The following ARMH4 variants were observed in gnomAD, a reference collection of about 807,000 sequenced individuals.
ARMH4 encodes armadillo-like helical domain-containing protein 4.
Under a neutral mutation model 61.9 loss-of-function variants are expected in ARMH4, and 49 were observed. The observed-to-expected ratio is 0.79, with a 90% CI of 0.63 to 1.00. The LOEUF (loss-of-function observed/expected upper bound fraction) is 1.00, where lower values mean the gene tolerates loss of function less well. Among genes scored for constraint, ARMH4 ranks in the 50% least tolerant of loss-of-function variants. ARMH4 has a pLI of 0.00. For missense variants in ARMH4, 934 were observed against 930.0 expected (o/e 1.00, Z -0.06); for synonymous variants, 368 against 341.5 (o/e 1.08, Z -0.85).
At chr14:58,106,540 A>T (rs1398898163) in intron 4 of ARMH4, among the ~76,000 whole-genome samples, 2 of 152,234 alleles carry the variant, frequency 1.3e-5, no homozygotes, top group African/African-American at 4.8e-5. Flanking sequence ...TAGCTCAAAT[A>T]GAGAAATGTC....
At chr14:58,051,076 G>C (rs540541947) in intron 5 of ARMH4, among the ~76,000 whole-genome samples, 4 of 151,044 alleles carry the variant, frequency 2.6e-5, no homozygotes, top group Admixed American at 2.0e-4. Context: ...AACTATGGTT[G>C]ATCAGGCACC....
In ARMH4 at chr14:58,133,285, TG is replaced by T. The variant is rs1566596610; in HGVS notation, c.1425del (p.Met476TrpfsTer2). ...GTAGCAACCTGCTCTTGTGTCACCATGGATAAAGTGGCATCTGGCTCTTGAA... is the reference window on the plus strand; with the variant it reads ...GTAGCAACCTGCTCTTGTGTCACCATGATAAAGTGGCATCTGGCTCTTGAA... The part of the protein sequence containing the change: ...TAVQEPDATL[S>X]MVTQEQVATL... On this transcript the variant is annotated frameshift_variant, in exon 3 of 8. Coordinates refer to ENST00000267485, the MANE Select transcript of ARMH4 (RefSeq NM_001001872.4). LOFTEE classifies it high-confidence loss of function. The T allele has an allele frequency of 6.2e-7, 1 of 1,613,956 alleles. No individual in the cohort carries two copies. The highest frequency in any genetic ancestry group is 8.5e-7 in the Non-Finnish European group (1 of 1,180,000).
chr14:58,128,302 A>C lies in ARMH4; in HGVS notation c.1831+3210T>G, dbSNP rs80185516. 1.0e-2 allele frequency among the ~76,000 whole-genome samples: 1,518 copies of C among 152,368 alleles called. 10 individuals carry two copies. The highest frequency in any genetic ancestry group is 0.016 in the Non-Finnish European group (1,097 of 68,034). ...GCAGGAAAGACATTAATATTCAACA[A>C]GAGAAGAAAATCAACCTATACAAAG... On this transcript the variant is annotated intron_variant, in intron 4 of 7. Coordinates refer to ENST00000267485, the MANE Select transcript of ARMH4 (RefSeq NM_001001872.4).
chr14:58,085,536 G>A (rs1250984302), intron 5 of ARMH4, among the ~76,000 whole-genome samples: 1 of 152,084 alleles, frequency 6.6e-6, no homozygotes, highest in Non-Finnish European at 1.5e-5. Context: ...TTCTGGATTA[G>A]TTCCAAGTCT....
chr14:58,013,510 A>G (rs902215039), intron 5 of ARMH4, among the ~76,000 whole-genome samples: 1 of 152,178 alleles, frequency 6.6e-6, no homozygotes, highest in African/African-American at 2.4e-5. Context: ...ACTTTAACCA[A>G]GAAGTCGGTG....
At chr14:58,128,205 T>C (rs899806816) in intron 4 of ARMH4, among the ~76,000 whole-genome samples, 1 of 152,234 alleles carries the variant, frequency 6.6e-6, no homozygotes, top group African/African-American at 2.4e-5. Context: ...TAAAATATTT[T>C]AAAGAGTTAA....
intron 6 of ARMH4, among the ~76,000 whole-genome samples, chr14:58,008,871 A>G (rs1301459391): frequency 1.3e-5 from 2 of 152,194 alleles, no homozygotes; most frequent in Non-Finnish European, 2.9e-5. Flanking sequence ...AAGCTAGAAG[A>G]AATAGATTGG....
At chr14:58,039,581 G>T (rs1295540111) in intron 5 of ARMH4, among the ~76,000 whole-genome samples, 1 of 152,214 alleles carries the variant, frequency 6.6e-6, no homozygotes, top group Non-Finnish European at 1.5e-5. Flanking sequence ...AAAGGGTTAA[G>T]TCCAGGGATT....
intron 4 of ARMH4, among the ~76,000 whole-genome samples, chr14:58,108,466 C>T (rs1368420921): frequency 6.6e-6 from 1 of 152,194 alleles, no homozygotes; most frequent in Non-Finnish European, 1.5e-5. Flanking sequence ...CATCCTTCTT[C>T]CCCTTAAAGC....
At chr14:58,011,765 GAAAA>G (rs745515042) in intron 6 of ARMH4, among the ~76,000 whole-genome samples, 1 of 95,646 alleles carries the variant, frequency 1.0e-5, no homozygotes, top group Non-Finnish European at 2.1e-5. Flanking sequence ...TCTCATATTA[GAAAA>G]AAAAAAAAAA....
At chr14:58,135,476 C>A (rs911843537) in intron 2 of ARMH4, among the ~76,000 whole-genome samples, 1 of 151,922 alleles carries the variant, frequency 6.6e-6, no homozygotes. Context: ...AATATGCAGG[C>A]GCTATTTGTA....
At chr14:58,139,908 T>C (rs1272544216) in intron 1 of ARMH4, among the ~76,000 whole-genome samples, 1 of 152,182 alleles carries the variant, frequency 6.6e-6, no homozygotes, top group Non-Finnish European at 1.5e-5. Context: ...TATTAGGAAG[T>C]AAGGCCTTTG....
intron 5 of ARMH4, among the ~76,000 whole-genome samples, chr14:58,020,062 C>T (rs529490984): frequency 6.6e-6 from 1 of 152,250 alleles, no homozygotes; most frequent in African/African-American, 2.4e-5. Flanking sequence ...ATTTGTTAAA[C>T]ACCTCACAAA....
At chr14:58,041,614 T>C (rs891978486) in intron 5 of ARMH4, among the ~76,000 whole-genome samples, 3 of 152,100 alleles carry the variant, frequency 2.0e-5, no homozygotes, top group African/African-American at 7.2e-5. Flanking sequence ...TAAATGTAAA[T>C]GGGCTAAATG....
At chr14:58,040,148 G>A (rs1278245146) in intron 5 of ARMH4, among the ~76,000 whole-genome samples, 1 of 152,160 alleles carries the variant, frequency 6.6e-6, no homozygotes, top group African/African-American at 2.4e-5. Context: ...TGGGTTCTTA[G>A]CACCCTAAAT....
intron 5 of ARMH4, among the ~76,000 whole-genome samples, chr14:58,016,198 G>C (rs1037062466): frequency 5.3e-5 from 8 of 151,950 alleles, no homozygotes; most frequent in Non-Finnish European, 7.4e-5. Context: ...ATAAAAAGGA[G>C]CATGTAAACA....
At chr14:58,077,073 C>T (rs943916823) in intron 5 of ARMH4, among the ~76,000 whole-genome samples, 4 of 152,154 alleles carry the variant, frequency 2.6e-5, no homozygotes, top group African/African-American at 9.7e-5. Context: ...CCAGACCAGT[C>T]ATAAGCCCAA....
At chr14:58,077,941 T>C (rs927997614) in intron 5 of ARMH4, among the ~76,000 whole-genome samples, 2 of 152,220 alleles carry the variant, frequency 1.3e-5, no homozygotes, top group African/African-American at 2.4e-5. Context: ...CTACTACCAA[T>C]TGTGTACTGT....
intron 4 of ARMH4, among the ~76,000 whole-genome samples, chr14:58,122,392 A>G (rs943974214): frequency 3.3e-5 from 5 of 152,202 alleles, no homozygotes; most frequent in African/African-American, 4.8e-5. Flanking sequence ...CTGCCTTTCT[A>G]GAGAGACTAA....
Sources: allele counts gnomAD v4.1 joint callset (sites outside exome capture counted in the v4.1 genomes callset), GRCh38; gene constraint gnomAD v4.1.1; transcripts MANE v1.5; gene names NCBI Gene and HGNC (gene_info 2026-07-23, HGNC 2026-07-21).